COLEC12: variants seen among roughly 807,000 people sequenced by gnomAD.
COLEC12 encodes collectin-12.
In COLEC12, 33 loss-of-function variants were observed where a neutral mutation model predicts 71.1. That is an observed-to-expected ratio of 0.46 (90% CI 0.35 to 0.62). The LOEUF (loss-of-function observed/expected upper bound fraction) is 0.62, where lower values mean the gene tolerates loss of function less well. COLEC12 is among the 20% of genes least tolerant of loss of function. COLEC12 has a pLI of 0.00. For missense variants in COLEC12, 765 were observed against 916.1 expected (o/e 0.84, Z 2.13); for synonymous variants, 350 against 353.0 (o/e 0.99, Z 0.10).
chr18:332,338 G>C (rs1316965723), intron 7 of COLEC12, among the ~76,000 whole-genome samples: 1 of 152,202 alleles, frequency 6.6e-6, no homozygotes, highest in Non-Finnish European at 1.5e-5. Flanking sequence ...GTGTCTGCTG[G>C]AGATAACTTA....
intron 2 of COLEC12, among the ~76,000 whole-genome samples, chr18:393,364 A>T (rs1247559373): frequency 6.8e-6 from 1 of 147,348 alleles, no homozygotes; most frequent in Admixed American, 6.8e-5. Context: ...AGGCACAGCA[A>T]ATTTCATATT....
At chr18:462,164 T>C (rs1354833260) in intron 2 of COLEC12, among the ~76,000 whole-genome samples, 1 of 152,192 alleles carries the variant, frequency 6.6e-6, no homozygotes, top group Non-Finnish European at 1.5e-5. Context: ...AGAGTTATCA[T>C]GTGCCTCAGC....
intron 2 of COLEC12, among the ~76,000 whole-genome samples, chr18:465,976 G>A (rs796743703): frequency 2.0e-5 from 3 of 152,292 alleles, no homozygotes; most frequent in African/African-American, 7.2e-5. Flanking sequence ...TGGGCGGCAG[G>A]AGAATTGCTT....
At chr18:341,660 G>T (rs1209514903) in intron 5 of COLEC12, among the ~76,000 whole-genome samples, 1 of 152,212 alleles carries the variant, frequency 6.6e-6, no homozygotes, top group Non-Finnish European at 1.5e-5. Context: ...TGAAGGAAGT[G>T]ACCTTATTTA....
intron 2 of COLEC12, among the ~76,000 whole-genome samples, chr18:420,525 C>T (rs990122172): frequency 7.9e-5 from 12 of 151,970 alleles, no homozygotes; most frequent in Non-Finnish European, 1.3e-4. Context: ...TTCTAAAAAG[C>T]GATAAAAAAT....
rs1489449621 is a variant in COLEC12, at chr18:481,984, TG to T, written c.8-1228del. On this transcript the variant is annotated intron_variant, in intron 1 of 9. Coordinates refer to ENST00000400256, the MANE Select transcript of COLEC12 (RefSeq NM_130386.3). ...TGCTACATGGGTAAATTGTGGGTTGTGGGGGTTTGGTGGACAGATTCTTTCA... is the reference window on the plus strand; with the variant it reads ...TGCTACATGGGTAAATTGTGGGTTGTGGGGTTTGGTGGACAGATTCTTTCA... Among the ~76,000 whole-genome samples, 7 of 152,020 alleles carry T rather than the reference TG, an allele frequency of 4.6e-5. No individual in the cohort carries two copies. The East Asian group carries it at 1.2e-3, about 25-fold the overall frequency.
At chr18:369,437 T>A (rs1393442438) in intron 2 of COLEC12, among the ~76,000 whole-genome samples, 2 of 121,006 alleles carry the variant, frequency 1.7e-5, no homozygotes, top group African/African-American at 3.0e-5. Flanking sequence ...TTTTATTTTT[T>A]TTTGGAATAA....
intron 2 of COLEC12, among the ~76,000 whole-genome samples, chr18:380,777 C>T (rs562405540): frequency 6.6e-5 from 10 of 152,218 alleles, no homozygotes; most frequent in African/African-American, 2.2e-4. Context: ...AATGTCTTTA[C>T]GTTCTTAGAG....
chr18:452,915 C>T (rs775874955), intron 2 of COLEC12, among the ~76,000 whole-genome samples: 1 of 152,212 alleles, frequency 6.6e-6, no homozygotes, highest in Non-Finnish European at 1.5e-5. Flanking sequence ...GAAATAGCAC[C>T]ACTCAGGGGT....
chr18:400,340 T>C (rs1279235609), intron 2 of COLEC12, among the ~76,000 whole-genome samples: 1 of 152,130 alleles, frequency 6.6e-6, no homozygotes, highest in Admixed American at 6.5e-5. Context: ...CAGTAATATA[T>C]ACTTAAACAT....
At chr18:464,483 G>A (rs1411806604) in intron 2 of COLEC12, among the ~76,000 whole-genome samples, 2 of 152,074 alleles carry the variant, frequency 1.3e-5, no homozygotes, top group Non-Finnish European at 2.9e-5. Flanking sequence ...CCCACTGACT[G>A]TCTGGGGACT....
chr18:432,300 T>A (rs1269808745), intron 2 of COLEC12, among the ~76,000 whole-genome samples: 1 of 152,182 alleles, frequency 6.6e-6, no homozygotes, highest in Non-Finnish European at 1.5e-5. Context: ...AACAATATTA[T>A]CATCAGCAAA....
At chr18:377,398 A>AC (rs928098705) in intron 2 of COLEC12, among the ~76,000 whole-genome samples, 1 of 152,114 alleles carries the variant, frequency 6.6e-6, no homozygotes, top group Non-Finnish European at 1.5e-5. Context: ...TAGGACTGGA[A>AC]CCCCCAGCAA....
intron 2 of COLEC12, among the ~76,000 whole-genome samples, chr18:453,745 T>A (rs1916808858): frequency 6.6e-6 from 1 of 152,246 alleles, no homozygotes; most frequent in Non-Finnish European, 1.5e-5. Flanking sequence ...ACTGAATGTA[T>A]AATAAGCATC....
chr18:382,407 G>A (rs1354901801), intron 2 of COLEC12, among the ~76,000 whole-genome samples: 3 of 152,174 alleles, frequency 2.0e-5, no homozygotes, highest in Non-Finnish European at 4.4e-5. Context: ...CAAGAAGAGT[G>A]TCTTCTAAGT....
At chr18:361,743 C>T (rs1182478640) in intron 2 of COLEC12, among the ~76,000 whole-genome samples, 1 of 152,194 alleles carries the variant, frequency 6.6e-6, no homozygotes, top group African/African-American at 2.4e-5. Context: ...CATGAACTTG[C>T]TTTGGTGGCA....
intron 2 of COLEC12, among the ~76,000 whole-genome samples, chr18:414,775 C>T (rs1915956439): frequency 6.6e-6 from 1 of 152,118 alleles, no homozygotes; most frequent in Admixed American, 6.5e-5. Flanking sequence ...GGCCTCTAAC[C>T]CCCAAACAGG....
At chr18:476,373 T>C (rs1917303871) in intron 2 of COLEC12, among the ~76,000 whole-genome samples, 1 of 152,248 alleles carries the variant, frequency 6.6e-6, no homozygotes, top group Non-Finnish European at 1.5e-5. Context: ...AAAGCTTTGT[T>C]TGTCAAATAC....
At chr18:450,214 C>A (rs1916733055) in intron 2 of COLEC12, among the ~76,000 whole-genome samples, 1 of 152,184 alleles carries the variant, frequency 6.6e-6, no homozygotes, top group Non-Finnish European at 1.5e-5. Context: ...CCTTCCAGCT[C>A]TCGGAAAATG....
Sources: gnomAD v4.1 joint callset for allele counts (sites outside exome capture counted in the v4.1 genomes callset) on GRCh38, gnomAD v4.1.1 for gene constraint, MANE v1.5 for transcripts, NCBI Gene and HGNC (gene_info 2026-07-23, HGNC 2026-07-21) for gene names.